The following ZHX2 variants were observed in gnomAD, a reference collection of about 807,000 sequenced individuals.
The protein encoded by ZHX2 is zinc fingers and homeoboxes 2.
A neutral mutation model predicts 21.9 loss-of-function variants in ZHX2; 6 were observed. That is an observed-to-expected ratio of 0.27 (90% CI 0.15 to 0.54). The LOEUF is 0.54. ZHX2 is among the 20% of genes least tolerant of loss of function. The pLI is 0.95. For synonymous variants in ZHX2, 434 were observed against 437.1 expected (o/e 0.99, Z 0.09); for missense variants, 908 against 1,090.7 (o/e 0.83, Z 2.36).
intron 3 of ZHX2, among the ~76,000 whole-genome samples, chr8:122,967,803 C>T (rs1813619942): frequency 1.3e-5 from 2 of 152,122 alleles, no homozygotes; most frequent in Admixed American, 6.5e-5. Context: ...TTCAGGAAAG[C>T]GCCAGCTGCA....
At chr8:122,875,917 A>G (rs1819560781) in intron 2 of ZHX2, among the ~76,000 whole-genome samples, 1 of 152,202 alleles carries the variant, frequency 6.6e-6, no homozygotes, top group South Asian at 2.1e-4. Context: ...GACAAAATTC[A>G]TTTCCACTGT....
Position 122,953,702 on chromosome 8 carries a change from A to G in ZHX2, c.2192A>G (p.Tyr731Cys). Residue 731 changes from tyrosine to cysteine, a missense_variant, in exon 3 of 4, where the codon TAC becomes TGC. This residue lies in a region of ZHX2 where 431 missense variants were observed against 428.6 expected (regional missense o/e 1.01). Transcript: ENST00000314393. This position sits in a 1 kb window ranked among gnomAD's most constrained non-coding sequence, Gnocchi z 4.6. ...GGGGGTGATGTGGTTCCACAATATTACAAGGACCCCAAAAAGCTCTGCGAA... is the reference window on the plus strand; with the variant it reads ...GGGGGTGATGTGGTTCCACAATATTGCAAGGACCCCAAAAAGCTCTGCGAA... ...KNGGDVVPQY[Y>C]KDPKKLCEED... The G allele has an allele frequency of 3.1e-6, 5 of 1,614,238 alleles. No individual in the cohort carries two copies. Among genetic ancestry groups the G allele is most frequent in the Non-Finnish European group, 4.2e-6 (5 of 1,180,040 alleles).
chr8:122,841,453 C>G (rs1010295864), intron 1 of ZHX2, among the ~76,000 whole-genome samples: 2 of 151,644 alleles, frequency 1.3e-5, no homozygotes, highest in African/African-American at 4.9e-5. Context: ...TTTGGGGTTG[C>G]AAAACCCACC....
chr8:122,793,592 C>T (rs1316614665), intron 1 of ZHX2, among the ~76,000 whole-genome samples: 3 of 152,194 alleles, frequency 2.0e-5, no homozygotes, highest in African/African-American at 7.2e-5. Flanking sequence ...TGCTGGTCTT[C>T]AAGGGTTCAG....
At chr8:122,934,434 C>T (rs1345474153) in intron 2 of ZHX2, among the ~76,000 whole-genome samples, 3 of 152,220 alleles carry the variant, frequency 2.0e-5, no homozygotes, top group Admixed American at 1.3e-4. Context: ...GGTGAAGCTC[C>T]TCTCACCATA....
chr8:122,846,748 A>G (rs1366416911), intron 1 of ZHX2, among the ~76,000 whole-genome samples: 1 of 152,062 alleles, frequency 6.6e-6, no homozygotes, highest in Non-Finnish European at 1.5e-5. Context: ...CAAAACTGCA[A>G]TTACTTTTGC....
chr8:122,969,415 C>CA (rs1042671880), intron 3 of ZHX2, among the ~76,000 whole-genome samples: 139 of 151,892 alleles, frequency 9.2e-4, no homozygotes, highest in African/African-American at 3.3e-3. Context: ...ACTGCCCCCC[C>CA]CAAAAATAGA....
intron 2 of ZHX2, among the ~76,000 whole-genome samples, chr8:122,879,972 CT>C (rs35351207): frequency 0.02 from 2,536 of 126,350 alleles, 63 homozygotes; most frequent in African/African-American, 0.067. Flanking sequence ...CTATTGTTAC[CT>C]TTTTTTTTTT....
At chr8:122,885,361 C>T (rs1347262529) in intron 2 of ZHX2, among the ~76,000 whole-genome samples, 1 of 152,214 alleles carries the variant, frequency 6.6e-6, no homozygotes, top group African/African-American at 2.4e-5. Context: ...CTGCATGCAT[C>T]AGCATTTGGT....
At chr8:122,918,303 T>C (rs955716794) in intron 2 of ZHX2, among the ~76,000 whole-genome samples, 1 of 152,206 alleles carries the variant, frequency 6.6e-6, no homozygotes, top group Admixed American at 6.5e-5. Flanking sequence ...GGCACTGCAA[T>C]AGGCCTTGAG....
chr8:122,850,785 A>G (rs1459558366), intron 1 of ZHX2, among the ~76,000 whole-genome samples: 1 of 150,926 alleles, frequency 6.6e-6, no homozygotes, highest in East Asian at 2.0e-4. Context: ...CCTTGGAGCT[A>G]CTTTTTAAAA....
intron 1 of ZHX2, among the ~76,000 whole-genome samples, chr8:122,857,472 C>T (rs1819054649): frequency 6.6e-6 from 1 of 151,838 alleles, no homozygotes; most frequent in Non-Finnish European, 1.5e-5. Context: ...TATTTTGAAA[C>T]AAATATGGGT....
At chr8:122,877,131 G>A (rs937526594) in intron 2 of ZHX2, among the ~76,000 whole-genome samples, 1 of 152,090 alleles carries the variant, frequency 6.6e-6, no homozygotes, top group Non-Finnish European at 1.5e-5. Flanking sequence ...TGACCTATTA[G>A]CTGTGTGACC....
intron 1 of ZHX2, among the ~76,000 whole-genome samples, chr8:122,859,395 A>G (rs1272138338): frequency 6.6e-6 from 1 of 152,242 alleles, no homozygotes; most frequent in African/African-American, 2.4e-5. Flanking sequence ...TAACAAGAAC[A>G]GCTAACACCT....
At chr8:122,833,254 G>C (rs1166152887) in intron 1 of ZHX2, among the ~76,000 whole-genome samples, 1 of 152,178 alleles carries the variant, frequency 6.6e-6, no homozygotes, top group Non-Finnish European at 1.5e-5. Flanking sequence ...AATGAGCCTG[G>C]GGTCCTGGAC....
intron 1 of ZHX2, chr8:122,809,055 G>A (rs1254837387): frequency 6.6e-6 from 1 of 152,218 alleles, no homozygotes; most frequent in Non-Finnish European, 1.5e-5. Flanking sequence ...CATCTAACAG[G>A]AAGAGAGACC....
rs113083042 is a variant in ZHX2 at position 122,957,212 on chromosome 8, T to C, written c.*4+3184T>C. Among the ~76,000 whole-genome samples, 1,283 of 150,834 alleles carry C rather than the reference T, an allele frequency of 8.5e-3. 9 individuals are homozygous for C. Among genetic ancestry groups the C allele is most frequent in the Middle Eastern group, 0.031 (9 of 290 alleles). On this transcript the variant is annotated intron_variant, in intron 3 of 3. Coordinates refer to ENST00000314393, the MANE Select transcript of ZHX2 (RefSeq NM_014943.5). ...TCTCCAGAGTCCTCACTCTTCCTCC[T>C]GCCATCTTTACCTCATTATTTCTGA... is the stretch of plus-strand genomic sequence containing the variant.
chr8:122,864,440 C>T (rs1038608808), intron 2 of ZHX2, among the ~76,000 whole-genome samples: 1 of 152,052 alleles, frequency 6.6e-6, no homozygotes, highest in African/African-American at 2.4e-5. Context: ...TGAGCCCAAA[C>T]ACCTGCTGTA....
chr8:122,797,005 T>G, intron 1 of ZHX2, among the ~76,000 whole-genome samples: 1 of 152,184 alleles, frequency 6.6e-6, no homozygotes, highest in Non-Finnish European at 1.5e-5. Flanking sequence ...ATTGTCAATG[T>G]CTTTCACTTA....
Sources: gnomAD v4.1 joint callset for allele counts (sites outside exome capture counted in the v4.1 genomes callset) on GRCh38, gnomAD v4.1.1 for gene constraint, gnomAD v4.1.1 regional missense constraint, Gnocchi (gnomAD v3.1) non-coding constraint, MANE v1.5 for transcripts, NCBI Gene and HGNC (gene_info 2026-07-23, HGNC 2026-07-21) for gene names.